The following MICALL1 variants were observed in gnomAD, a reference collection of about 807,000 sequenced individuals.
MICALL1 encodes MICAL-like protein 1.
Under a neutral mutation model 83.7 loss-of-function variants are expected in MICALL1, and 61 were observed. That is an observed-to-expected ratio of 0.73 (90% confidence interval 0.59 to 0.90). MICALL1 has a LOEUF of 0.90. MICALL1 is among the 40% of genes least tolerant of loss of function. The pLI is 0.00. For synonymous variants in MICALL1, 481 were observed against 473.6 expected, an observed-to-expected ratio of 1.02 and a Z score of -0.20; for missense variants, 1,066 against 1,152.0, an observed-to-expected ratio of 0.93 and a Z score of 1.08.
chr22:37,933,010 G>A, intron 12 of MICALL1, 29 bp from the exon 13 acceptor site: 2 of 1,613,998 alleles, frequency 1.2e-6, no homozygotes, highest in Non-Finnish European at 1.7e-6. Context: ...GGGCAGAATT[G>A]TTAAGAGTCA....
rs76659747 is a variant in MICALL1 at position 37,914,729 on chromosome 22, C to A, written c.337+2237C>A. Among the ~76,000 whole-genome samples, 1,301 of 151,846 alleles carry A rather than the reference C, an allele frequency of 8.6e-3. 24 individuals are homozygous for A. Among genetic ancestry groups the A allele is most frequent in the African/African-American group, 0.03 (1,258 of 41,492 alleles). On this transcript the variant is annotated intron_variant, in intron 3 of 15. Coordinates refer to ENST00000215957, the MANE Select transcript of MICALL1 (RefSeq NM_033386.4). ...GATCACAGCTCAATGCGTCCTCAAC[C>A]TTCCTGGGCTGCGGTGATCCTCCTA...
Position 37,940,608 on chromosome 22 carries a change from A to C in MICALL1, c.2471-101A>C, listed in dbSNP as rs781368975. 59 of 1,442,274 alleles carry C rather than the reference A, an allele frequency of 4.1e-5. No homozygotes were observed. The Middle Eastern group carries it at 4.9e-3, about 119-fold the overall frequency. The allele number at this position is 1,442,274 out of a possible 1,614,324, so 89.3% of individuals were successfully genotyped here. On this transcript the variant is annotated intron_variant, in intron 15 of 15. Coordinates refer to ENST00000215957, the MANE Select transcript of MICALL1 (RefSeq NM_033386.4). ...CACAGGAAGTGGTGGGGCTGGGCTG[A>C]GCCCTGCTGCCCATGCCCAGGCCTG...
intron 9 of MICALL1, 90 bp downstream of exon 9, chr22:37,927,916 T>A (rs1929569627): frequency 7.2e-7 from 1 of 1,383,918 alleles, no homozygotes; most frequent in Non-Finnish European, 9.6e-7. Context: ...GGCCTTTTCT[T>A]AATTTTTTTG....
chr22:37,932,754 G>C lies in MICALL1; in HGVS notation c.2144-44G>C. The C allele has an allele frequency of 6.2e-7, 1 of 1,613,584 alleles. No homozygotes were observed. Among genetic ancestry groups the C allele is most frequent in the Middle Eastern group, 1.7e-4 (1 of 6,060 alleles). On this transcript the variant is annotated intron_variant, in intron 11 of 15. Transcript: ENST00000215957. This position sits in a 1 kb window ranked among gnomAD's most constrained non-coding sequence, Gnocchi z 4.4. ...CTCTATTCCCCGGGGAACTGAGCCAGGCATGGCAGCCAGCCCTGGCCTCAG... is the reference window on the plus strand; with the variant it reads ...CTCTATTCCCCGGGGAACTGAGCCACGCATGGCAGCCAGCCCTGGCCTCAG...
chr22:37,918,246 T>C (rs1928801616), intron 4 of MICALL1, among the ~76,000 whole-genome samples: 1 of 152,224 alleles, frequency 6.6e-6, no homozygotes, highest in Non-Finnish European at 1.5e-5. Context: ...GGCCCTGGTA[T>C]ACAGATGAGG....
At chr22:37,913,392 A>G (rs1928463423) in intron 3 of MICALL1, among the ~76,000 whole-genome samples, 1 of 152,206 alleles carries the variant, frequency 6.6e-6, no homozygotes, top group Admixed American at 6.5e-5. Flanking sequence ...ACACAATCAT[A>G]TCAGAGGAGA....
rs1426770643 is a variant in MICALL1 at position 37,906,548 on chromosome 22, C to T, written c.126C>T (p.His42=). 2 of 1,191,190 alleles carry T rather than the reference C, an allele frequency of 1.7e-6. No individual in the cohort carries two copies. The highest frequency in any genetic ancestry group is 2.1e-6 in the Non-Finnish European group (2 of 954,936). The allele number at this position is 1,191,190 out of a possible 1,614,324, so 73.8% of individuals were successfully genotyped here. A position where few individuals can be genotyped will look rare whatever the true frequency, so the allele number is the denominator to read the frequency against. ...RDGLAFCAIL[H]RHRPDLLDFD... is the part of the protein sequence containing the mutation. ...GCCTGGCCTTCTGCGCCATCCTGCACCGGCACCGGCCCGACCTGCTGTGAG... is the reference window on the plus strand; with the variant it reads ...GCCTGGCCTTCTGCGCCATCCTGCATCGGCACCGGCCCGACCTGCTGTGAG... The change falls in exon 1 of 16, where the codon CAC becomes CAT. Residue 42 remains histidine, a synonymous_variant. Coordinates refer to ENST00000215957, the MANE Select transcript of MICALL1 (RefSeq NM_033386.4). This position sits in a 1 kb window ranked among gnomAD's most constrained non-coding sequence, Gnocchi z 4.4.
In MICALL1 at chr22:37,912,426, C is replaced by T; in HGVS notation, c.271C>T (p.Pro91Ser). The T allele has an allele frequency of 1.2e-6, 2 of 1,614,010 alleles. No individual in the cohort carries two copies. Among genetic ancestry groups the T allele is most frequent in the Middle Eastern group, 1.6e-4 (1 of 6,062 alleles). ...CAATGACATGGTCTCCATGAGCGTC[C>T]CTGACTGCCTCAGCATCATGACCTA... is the stretch of plus-strand genomic sequence containing the variant. Reference protein sequence around the residue: ...DPNDMVSMSVPDCLSIMTYVS... With the variant: ...DPNDMVSMSVSDCLSIMTYVS... Residue 91 changes from proline to serine, a missense_variant, in exon 3 of 16, where the codon CCT becomes TCT. Pro to Ser is a moderately conservative substitution (Grantham distance 74, BLOSUM62 -1). Coordinates refer to ENST00000215957, the MANE Select transcript of MICALL1 (RefSeq NM_033386.4).
chr22:37,927,362 GCCCTTGTGGTGCTC>G (rs1009623826), intron 8 of MICALL1, 35 bp from the exon 9 acceptor site: 1 of 1,490,396 alleles, frequency 6.7e-7, no homozygotes, highest in Admixed American at 2.2e-5. Context: ...GGGGCTGGAA[GCCCTTGTGGTGCTC>G]CCCTTGTGAG....
chr22:37,942,740 A>T lies in MICALL1; in HGVS notation c.*1910A>T, dbSNP rs1227845006. The T allele has an allele frequency of 1.3e-5, 2 of 152,114 alleles. No individual in the cohort carries two copies. The highest frequency in any genetic ancestry group is 6.6e-5 in the Admixed American group (1 of 15,260). 9.4% of individuals were successfully genotyped at this position (152,114 alleles called of 1,614,324 possible). ...ATGGTCTCGATCTCCTGACCTTGTG[A>T]TCCACCCACCTTGGCCTCCCAAAGT... On this transcript the variant is annotated 3_prime_UTR_variant, in exon 16 of 16. Transcript: ENST00000215957.
intron 8 of MICALL1, chr22:37,926,909 G>A (rs779690780): frequency 2.4e-4 from 38 of 159,232 alleles, no homozygotes; most frequent in Non-Finnish European, 4.4e-4. Context: ...GTGCTGGGGC[G>A]AGTGCCCTCT....
chr22:37,916,609 TG>T (rs759442842), intron 3 of MICALL1, among the ~76,000 whole-genome samples: 23 of 152,324 alleles, frequency 1.5e-4, no homozygotes, highest in African/African-American at 2.2e-4. Context: ...GTCGTGGTGC[TG>T]TGCTGAGTGT....
In MICALL1 at chr22:37,922,438, G is replaced by A. The variant is rs543855444; in HGVS notation, c.1024+12G>A. Reference sequence around the variant, plus strand: ...CAGCCTGGTGAACGGTGAGCAGGGTGCAGTCAGGGCAGGGGGCACCGGGTG... The same window carrying A: ...CAGCCTGGTGAACGGTGAGCAGGGTACAGTCAGGGCAGGGGGCACCGGGTG... On this transcript the variant is annotated intron_variant, in intron 6 of 15. Coordinates refer to ENST00000215957, the MANE Select transcript of MICALL1 (RefSeq NM_033386.4). 6 of 1,500,426 alleles carry A rather than the reference G, an allele frequency of 4.0e-6. No homozygotes were observed. In the East Asian group the frequency reaches 7.4e-5, roughly 18 times the overall value. The allele number at this position is 1,500,426 out of a possible 1,614,324, so 92.9% of individuals were successfully genotyped here.
intron 9 of MICALL1, among the ~76,000 whole-genome samples, chr22:37,931,377 A>T (rs1475672771): frequency 4.0e-5 from 6 of 149,922 alleles, no homozygotes; most frequent in Non-Finnish European, 8.8e-5. Context: ...ACCTGTCTTT[A>T]CAAAAAAAAA....
intron 3 of MICALL1, among the ~76,000 whole-genome samples, chr22:37,913,923 T>C (rs1195586771): frequency 2.7e-5 from 4 of 150,218 alleles, no homozygotes; most frequent in Non-Finnish European, 5.9e-5. Flanking sequence ...TTGCCTAGGC[T>C]GGAGTGCGAT....
At position 37,924,317 on chromosome 22, in the gene MICALL1, G is replaced by A. The variant is rs192996398; in HGVS notation, c.1025-343G>A. ...AAGGAGGGGAGCAGGGGCTGCTGTGGGATTCACAGAGGACACTTGGGAGTC... is the reference window on the plus strand; with the variant it reads ...AAGGAGGGGAGCAGGGGCTGCTGTGAGATTCACAGAGGACACTTGGGAGTC... On this transcript the variant is annotated intron_variant, in intron 6 of 15. Coordinates refer to ENST00000215957, the MANE Select transcript of MICALL1 (RefSeq NM_033386.4). This position sits in a 1 kb window ranked among gnomAD's most constrained non-coding sequence, Gnocchi z 5.2. 5.3e-5 allele frequency among the ~76,000 whole-genome samples: 8 copies of A among 152,282 alleles called. No individual in the cohort carries two copies. The highest frequency in any genetic ancestry group is 5.2e-4 in the Admixed American group (8 of 15,298).
chr22:37,940,655 C>T (rs1456795559), intron 15 of MICALL1, 54 bp from the exon 16 acceptor site: 1 of 1,603,812 alleles, frequency 6.2e-7, no homozygotes, highest in African/African-American at 1.3e-5. Context: ...CTAGCCTGCC[C>T]TGGATGTACC....
In MICALL1 at chr22:37,925,798, C is replaced by T. The variant is rs979692241; in HGVS notation, c.1220C>T (p.Thr407Ile). 1 of 1,613,490 alleles carries T rather than the reference C, an allele frequency of 6.2e-7. No homozygotes were observed. Among genetic ancestry groups the T allele is most frequent in the Non-Finnish European group, 8.5e-7 (1 of 1,179,990 alleles). The stretch of plus-strand genomic sequence containing the variant: ...AGCAGGCAGGTGGAGAATGGAGGCA[C>T]CGAGGAGGTGGCCCAGCCGAGCCCA... ...QDSRQVENGG[T>I]EEVAQPSPTA... Residue 407 changes from threonine to isoleucine, a missense_variant, in exon 8 of 16, where the codon ACC (threonine) becomes ATC (isoleucine). Transcript: ENST00000215957.
intron 1 of MICALL1, among the ~76,000 whole-genome samples, chr22:37,907,778 G>T (rs747150771): frequency 3.9e-5 from 6 of 152,220 alleles, no homozygotes; most frequent in Non-Finnish European, 8.8e-5. Flanking sequence ...GAGGGTTTTG[G>T]GGCTGTGGAT....
Sources: gnomAD v4.1 joint callset for allele counts (sites outside exome capture counted in the v4.1 genomes callset) on GRCh38, gnomAD v4.1.1 for gene constraint, Gnocchi (gnomAD v3.1) non-coding constraint, MANE v1.5 for transcripts, NCBI Gene and HGNC (gene_info 2026-07-23, HGNC 2026-07-21) for gene names.